The following LRRTM4 variants were observed in gnomAD, a reference collection of about 807,000 sequenced individuals.
LRRTM4 encodes leucine rich repeat transmembrane neuronal 4.
A neutral mutation model predicts 47.6 loss-of-function variants in LRRTM4; 25 were observed. The ratio of observed to expected loss-of-function variants is 0.53; its 90% CI spans 0.38 to 0.73. The LOEUF is 0.73. LRRTM4 is among the 30% of genes least tolerant of loss of function. The pLI is 0.00. For missense variants in LRRTM4, 638 were observed against 713.4 expected, an observed-to-expected ratio of 0.89 and a Z score of 1.20; for synonymous variants, 311 against 269.5, an observed-to-expected ratio of 1.15 and a Z score of -1.51.
chr2:77,463,224 C>T (rs1676858124), intron 3 of LRRTM4, among the ~76,000 whole-genome samples: 1 of 151,906 alleles, frequency 6.6e-6, no homozygotes, highest in Non-Finnish European at 1.5e-5. Flanking sequence ...GCAATTTTAA[C>T]ACAATGGTAA....
rs182177376 is a variant in LRRTM4, at chr2:77,237,329, G to T, written c.1551+280989C>A. Reference sequence around the variant, plus strand: ...TCATTTCCTTTAGATTTTCTAGTTTGTATACAAAGAAGTATTGATAATAGT... The same window carrying T: ...TCATTTCCTTTAGATTTTCTAGTTTTTATACAAAGAAGTATTGATAATAGT... On this transcript the variant is annotated intron_variant, in intron 3 of 3. Coordinates refer to ENST00000409884, the MANE Select transcript of LRRTM4 (RefSeq NM_001134745.3). Among the ~76,000 whole-genome samples the T allele has an allele frequency of 6.6e-5, 10 of 151,962 alleles. No individual in the cohort carries two copies. The East Asian group carries it at 1.9e-3, about 29-fold the overall frequency.
chr2:77,420,970 A>G (rs915255128), intron 3 of LRRTM4, among the ~76,000 whole-genome samples: 2 of 150,296 alleles, frequency 1.3e-5, no homozygotes, highest in Non-Finnish European at 3.0e-5. Context: ...AAAAAAGACA[A>G]GGCTCCTTGG....
At chr2:77,001,590 G>C (rs1157219416) in intron 3 of LRRTM4, among the ~76,000 whole-genome samples, 1 of 152,092 alleles carries the variant, frequency 6.6e-6, no homozygotes, top group Non-Finnish European at 1.5e-5. Context: ...CACCACCCTA[G>C]AGTTCTGTCT....
chr2:76,835,352 T>C (rs1671479648), intron 3 of LRRTM4, among the ~76,000 whole-genome samples: 1 of 152,086 alleles, frequency 6.6e-6, no homozygotes, highest in Non-Finnish European at 1.5e-5. Context: ...AGAAACATCA[T>C]GTTTCAGTTT....
intron 3 of LRRTM4, among the ~76,000 whole-genome samples, chr2:77,272,873 C>G (rs1220928770): frequency 6.6e-6 from 1 of 152,150 alleles, no homozygotes; most frequent in African/African-American, 2.4e-5. Flanking sequence ...CTCAGCCTCA[C>G]ATATTCCTTT....
intron 3 of LRRTM4, among the ~76,000 whole-genome samples, chr2:76,804,771 T>TATC (rs930432472): frequency 1.3e-5 from 2 of 149,562 alleles, no homozygotes; most frequent in African/African-American, 4.9e-5. Context: ...ACAATATATA[T>TATC]ATCATGTTTT....
At chr2:77,342,379 C>A (rs1671404728) in intron 3 of LRRTM4, among the ~76,000 whole-genome samples, 1 of 151,790 alleles carries the variant, frequency 6.6e-6, no homozygotes, top group East Asian at 1.9e-4. Context: ...TAATTAACAT[C>A]CTCCAATACA....
At chr2:77,028,128 T>C (rs1288164506) in intron 3 of LRRTM4, among the ~76,000 whole-genome samples, 2 of 152,112 alleles carry the variant, frequency 1.3e-5, no homozygotes, top group East Asian at 1.9e-4. Flanking sequence ...TTAGGCTCTA[T>C]ATGGACAAAA....
At chr2:77,445,028 G>A (rs1397614546) in intron 3 of LRRTM4, among the ~76,000 whole-genome samples, 1 of 148,834 alleles carries the variant, frequency 6.7e-6, no homozygotes, top group African/African-American at 2.5e-5. Flanking sequence ...GGTGATTTTT[G>A]CAGGGAAATA....
At chr2:76,939,662 T>C (rs1313966488) in intron 3 of LRRTM4, among the ~76,000 whole-genome samples, 1 of 150,514 alleles carries the variant, frequency 6.6e-6, no homozygotes, top group Admixed American at 6.6e-5. Flanking sequence ...GCTAAATAAA[T>C]AATTTTCATC....
At chr2:77,237,405 T>C (rs1042971564) in intron 3 of LRRTM4, among the ~76,000 whole-genome samples, 2 of 152,064 alleles carry the variant, frequency 1.3e-5, no homozygotes, top group Non-Finnish European at 2.9e-5. Flanking sequence ...GTCACATTGG[T>C]CATTTCTGAT....
At chr2:76,951,511 A>AATAAT (rs1279553458) in intron 3 of LRRTM4, among the ~76,000 whole-genome samples, 2 of 152,010 alleles carry the variant, frequency 1.3e-5, no homozygotes, top group Admixed American at 6.6e-5. Flanking sequence ...GTTTGTTCCA[A>AATAAT]ATAATATTTA....
intron 3 of LRRTM4, among the ~76,000 whole-genome samples, chr2:76,843,483 C>T (rs530870983): frequency 4.3e-4 from 66 of 152,214 alleles, no homozygotes; most frequent in South Asian, 1.7e-3. Flanking sequence ...CAGTTGCTTC[C>T]ATGGAAAAGT....
At chr2:77,424,599 T>A (rs1675034823) in intron 3 of LRRTM4, among the ~76,000 whole-genome samples, 1 of 152,252 alleles carries the variant, frequency 6.6e-6, no homozygotes, top group African/African-American at 2.4e-5. Flanking sequence ...TGTTAGCAAC[T>A]TTCTGATGGG....
chr2:77,163,989 G>T (rs953929953), intron 3 of LRRTM4, among the ~76,000 whole-genome samples: 32 of 152,032 alleles, frequency 2.1e-4, no homozygotes, highest in African/African-American at 7.7e-4. Flanking sequence ...TGGGCTAAAG[G>T]CTCCAATCAA....
At chr2:76,757,993 A>G (rs957511794) in intron 3 of LRRTM4, among the ~76,000 whole-genome samples, 1 of 152,202 alleles carries the variant, frequency 6.6e-6, no homozygotes, top group Non-Finnish European at 1.5e-5. Flanking sequence ...TCGGCATTAC[A>G]GAGTTTTCCA....
At chr2:77,516,958 T>G (rs984225647) in intron 3 of LRRTM4, 1 of 984,954 alleles carries the variant, frequency 1.0e-6, no homozygotes, top group Non-Finnish European at 1.2e-6. Flanking sequence ...TAACTAGCAT[T>G]AGAAAGGGCA....
intron 3 of LRRTM4, among the ~76,000 whole-genome samples, chr2:76,930,338 GCA>G (rs145473862): frequency 1.3e-5 from 2 of 151,858 alleles, no homozygotes; most frequent in Non-Finnish European, 2.9e-5. Flanking sequence ...ACGCATGCGT[GCA>G]CACACACACA....
chr2:77,424,470 A>T (rs1339814657), intron 3 of LRRTM4, among the ~76,000 whole-genome samples: 1 of 152,184 alleles, frequency 6.6e-6, no homozygotes, highest in Admixed American at 6.5e-5. Context: ...TAAACTCTTC[A>T]GTTTTAAAGT....
Sources: gnomAD v4.1 joint callset for allele counts (sites outside exome capture counted in the v4.1 genomes callset) on GRCh38, gnomAD v4.1.1 for gene constraint, MANE v1.5 for transcripts, NCBI Gene and HGNC (gene_info 2026-07-23, HGNC 2026-07-21) for gene names.